The following ABCA12 variants were observed in gnomAD, a reference collection of about 807,000 sequenced individuals.
ABCA12 encodes the protein glucosylceramide transporter ABCA12.
ABCA12 carries 156 observed loss-of-function variants against 293.5 expected under a neutral mutation model. The observed-to-expected ratio is 0.53, with a 90% confidence interval of 0.47 to 0.61. The LOEUF is 0.61. Ranked by LOEUF, ABCA12 falls within the 20% of genes least tolerant of loss-of-function variation. The pLI, the probability that ABCA12 is intolerant of heterozygous loss-of-function variation, is 0.00. For synonymous variants in ABCA12, 1,063 were observed against 1,108.0 expected, an observed-to-expected ratio of 0.96 and a Z score of 0.81; for missense variants, 2,797 against 3,090.2, an observed-to-expected ratio of 0.91 and a Z score of 2.25.
intron 28 of ABCA12, among the ~76,000 whole-genome samples, chr2:214,985,415 T>C (rs1434320725): frequency 6.6e-6 from 1 of 151,180 alleles, no homozygotes; most frequent in Non-Finnish European, 1.5e-5. Context: ...GGGTGGAGGG[T>C]GGGAGGAAGG....
chr2:215,120,726 G>T (rs1315115659), intron 1 of ABCA12, among the ~76,000 whole-genome samples: 1 of 152,094 alleles, frequency 6.6e-6, no homozygotes, highest in Non-Finnish European at 1.5e-5. Context: ...GTGACAAGAA[G>T]TTTACTATGA....
intron 52 of ABCA12, 133 bp from the exon 53 acceptor site, chr2:214,932,874 A>G (rs1263866029): frequency 1.4e-6 from 1 of 704,034 alleles, no homozygotes; most frequent in African/African-American, 1.8e-5. Context: ...AGGCCCCTAT[A>G]AAATCCAAAT....
At chr2:215,077,410 T>A (rs1050746222) in intron 2 of ABCA12, among the ~76,000 whole-genome samples, 1 of 152,218 alleles carries the variant, frequency 6.6e-6, no homozygotes, top group Non-Finnish European at 1.5e-5. Flanking sequence ...ATTCTTTGGT[T>A]TTGTCAATTT....
Position 215,003,452 on chromosome 2 carries a change from A to G in ABCA12, c.2683+757T>C, listed in dbSNP as rs140500582. Among the ~76,000 whole-genome samples, 7 of 152,110 alleles carry G rather than the reference A, an allele frequency of 4.6e-5. No homozygotes were observed. In the East Asian group the frequency reaches 9.7e-4, roughly 21 times the overall value. On this transcript the variant is annotated intron_variant, in intron 20 of 52. Coordinates refer to ENST00000272895, the MANE Select transcript of ABCA12 (RefSeq NM_173076.3). ...CGTTTTTCTTGCTTTTGCTAACTCT[A>G]TATCTCTTCTAATTACATTCTGGGT... is the stretch of plus-strand genomic sequence containing the variant.
chr2:215,005,413 G>C (rs917874563), intron 19 of ABCA12, among the ~76,000 whole-genome samples: 27 of 152,048 alleles, frequency 1.8e-4, no homozygotes, highest in Admixed American at 2.6e-4. Context: ...TATTGTCATG[G>C]GGATGAATGA....
intron 50 of ABCA12, among the ~76,000 whole-genome samples, chr2:214,939,296 G>T (rs1330120815): frequency 6.6e-6 from 1 of 152,032 alleles, no homozygotes; most frequent in African/African-American, 2.4e-5. Context: ...TATTTCTGAG[G>T]CCTCTGTTCT....
chr2:215,035,664 CAAA>C (rs748783341), intron 8 of ABCA12: 3 of 45,684 alleles, frequency 6.6e-5, no homozygotes, highest in East Asian at 6.6e-4. Context: ...GACTCCATCT[CAAA>C]AAAAAAAAAA....
In ABCA12 at chr2:215,067,611, C is replaced by T. The variant is rs185580475; in HGVS notation, c.164-3392G>A. On this transcript the variant is annotated intron_variant, in intron 2 of 52. Transcript: ENST00000272895. ...TCATAGGGTCGAATTCAGAAGATGT[C>T]AGCATCATCTGGGAGTAGGGTGAGG... Among the ~76,000 whole-genome samples the T allele has an allele frequency of 3.9e-5, 6 of 152,190 alleles. No individual in the cohort carries two copies. In the East Asian group the frequency reaches 1.2e-3, roughly 30 times the overall value.
intron 1 of ABCA12, among the ~76,000 whole-genome samples, chr2:215,118,027 T>A (rs900120747): frequency 6.6e-6 from 1 of 152,208 alleles, no homozygotes; most frequent in Non-Finnish European, 1.5e-5. Flanking sequence ...ACTTTACCTA[T>A]CACATTATAT....
intron 1 of ABCA12, among the ~76,000 whole-genome samples, chr2:215,137,827 A>G (rs1329322253): frequency 1.3e-5 from 2 of 152,126 alleles, no homozygotes; most frequent in Non-Finnish European, 2.9e-5. Context: ...AAAATTCTGA[A>G]AGCCTTTTGG....
chr2:215,096,870 G>A (rs967012796), intron 2 of ABCA12, among the ~76,000 whole-genome samples: 3 of 151,876 alleles, frequency 2.0e-5, no homozygotes, highest in South Asian at 2.1e-4. Flanking sequence ...TTATGACTCC[G>A]GGTCTCTTGG....
At chr2:215,038,840 C>G (rs1024625456) in intron 7 of ABCA12, 1 of 152,220 alleles carries the variant, frequency 6.6e-6, no homozygotes, top group Non-Finnish European at 1.5e-5. Context: ...CTTCATTCAT[C>G]TTTATCTAAC....
Position 215,105,932 on chromosome 2 carries a change from C to A in ABCA12, c.163+5665G>T, listed in dbSNP as rs190532946. Among the ~76,000 whole-genome samples, 252 of 152,078 alleles carry A rather than the reference C, an allele frequency of 1.7e-3. 1 individual carries two copies. The highest frequency in any genetic ancestry group is 5.5e-3 in the African/African-American group (227 of 41,478). ...TCTGAGCTCCTCAGAACAACAACAA[C>A]AAAAAAACCTATGTAAATTTTTAGC... On this transcript the variant is annotated intron_variant, in intron 2 of 52. Coordinates refer to ENST00000272895, the MANE Select transcript of ABCA12 (RefSeq NM_173076.3).
chr2:214,982,268 C>G lies in ABCA12; in HGVS notation c.4498G>C (p.Val1500Leu), dbSNP rs983344742. Residue 1500 changes from valine (V) to leucine (L), a missense_variant, in exon 30 of 53, where the codon GTA becomes CTA. This residue lies in a region of ABCA12 where 2,130 missense variants were observed against 2,427.0 expected (regional missense o/e 0.88). Transcript: ENST00000272895. ...CCAGTAGATGGTTCATCCAAAATTA[C>G]TACCCTTGATCCACCAATGAGAGCT... is the stretch of plus-strand genomic sequence containing the variant. ...SIALIGGSRVVILDEPSTGVD... is the reference protein window; with the variant it reads ...SIALIGGSRVLILDEPSTGVD... 1.2e-6 allele frequency: 2 copies of G among 1,613,938 alleles called. No homozygotes were observed. Among genetic ancestry groups the G allele is most frequent in the African/African-American group, 2.7e-5 (2 of 74,900 alleles).
intron 44 of ABCA12, among the ~76,000 whole-genome samples, chr2:214,952,467 C>T (rs1008720120): frequency 5.3e-5 from 8 of 152,146 alleles, no homozygotes; most frequent in East Asian, 1.9e-4. Context: ...ATGATCTGCC[C>T]GTCTTGGCCT....
At chr2:215,011,417 G>C in intron 17 of ABCA12, 22 bp downstream of exon 17, 1 of 1,550,974 alleles carries the variant, frequency 6.4e-7, no homozygotes, top group Non-Finnish European at 8.9e-7. Flanking sequence ...CAACTGTCAT[G>C]CTTATTTTAA....
chr2:214,998,890 T>G (rs1013256116), intron 22 of ABCA12, among the ~76,000 whole-genome samples: 1 of 152,198 alleles, frequency 6.6e-6, no homozygotes, highest in African/African-American at 2.4e-5. Flanking sequence ...GTTTATGTGT[T>G]GGGCTCCACT....
At chr2:215,021,834 G>A (rs1419320204) in intron 11 of ABCA12, among the ~76,000 whole-genome samples, 2 of 152,080 alleles carry the variant, frequency 1.3e-5, no homozygotes, top group African/African-American at 4.8e-5. Flanking sequence ...AAATATCATT[G>A]GTCTATTTTC....
intron 3 of ABCA12, among the ~76,000 whole-genome samples, chr2:215,063,531 C>T (rs1701577015): frequency 6.6e-6 from 1 of 151,956 alleles, no homozygotes; most frequent in South Asian, 2.1e-4. Flanking sequence ...GCTCCTTACA[C>T]CATAAAGTAG....
Sources: gnomAD v4.1 joint callset for allele counts (sites outside exome capture counted in the v4.1 genomes callset) on GRCh38, gnomAD v4.1.1 for gene constraint, gnomAD v4.1.1 regional missense constraint, MANE v1.5 for transcripts, NCBI Gene and HGNC (gene_info 2026-07-23, HGNC 2026-07-21) for gene names.